ROBO2: variants seen among roughly 807,000 people sequenced by gnomAD.
ROBO2 encodes roundabout guidance receptor 2.
In ROBO2, 53 loss-of-function variants were observed where a neutral mutation model predicts 160.8. That is an observed-to-expected ratio of 0.33 (90% confidence interval 0.26 to 0.41). The LOEUF (loss-of-function observed/expected upper bound fraction) is 0.41. ROBO2 is among the 10% of genes least tolerant of loss of function. The pLI, the probability that ROBO2 is intolerant of heterozygous loss-of-function variation, is 1.00. For missense variants in ROBO2, 1,577 were observed against 1,722.4 expected (o/e 0.92, Z 1.49); for synonymous variants, 664 against 611.7 (o/e 1.09, Z -1.26).
Position 76,823,906 on chromosome 3 carries a change from A to G in ROBO2, c.110-274108A>G, listed in dbSNP as rs192917301. Among the ~76,000 whole-genome samples, 4 of 152,290 alleles carry G rather than the reference A, an allele frequency of 2.6e-5. No homozygotes were observed. In the East Asian group the frequency reaches 7.7e-4, roughly 29 times the overall value. ...CTGATTAGCAGTTGTTTTATGGTAA[A>G]ACTGAGCTGTTATAATAAAAACACA... On this transcript the variant is annotated intron_variant, in intron 2 of 26. Coordinates refer to the ROBO2 transcript ENST00000487694.
At chr3:77,415,617 C>A (rs2153526954) in intron 2 of ROBO2, among the ~76,000 whole-genome samples, 1 of 152,138 alleles carries the variant, frequency 6.6e-6, no homozygotes, top group East Asian at 1.9e-4. Context: ...CAGTGGGCTG[C>A]ACTCAGCTTG....
intron 2 of ROBO2, among the ~76,000 whole-genome samples, chr3:76,160,317 G>T (rs1432404423): frequency 6.6e-6 from 1 of 152,172 alleles, no homozygotes; most frequent in African/African-American, 2.4e-5. Flanking sequence ...CTATCTGCAG[G>T]TGATCCATCT....
intron 6 of ROBO2, among the ~76,000 whole-genome samples, chr3:77,528,347 A>G (rs2091357898): frequency 6.6e-6 from 1 of 151,622 alleles, no homozygotes. Flanking sequence ...TAAATTGTCC[A>G]TCTAGCTTCA....
At chr3:76,941,163 AT>A (rs59004799) in intron 2 of ROBO2, among the ~76,000 whole-genome samples, 5 of 151,756 alleles carry the variant, frequency 3.3e-5, no homozygotes, top group East Asian at 3.9e-4. Flanking sequence ...AAATGATTGC[AT>A]TTTTTTTGAT....
At chr3:76,097,919 C>T (rs1202325004) in intron 2 of ROBO2, among the ~76,000 whole-genome samples, 2 of 152,098 alleles carry the variant, frequency 1.3e-5, no homozygotes, top group African/African-American at 4.8e-5. Flanking sequence ...AAAATCAAAA[C>T]AACGATTAAT....
intron 2 of ROBO2, among the ~76,000 whole-genome samples, chr3:76,066,392 A>G (rs1308236406): frequency 6.6e-6 from 1 of 152,128 alleles, no homozygotes; most frequent in Non-Finnish European, 1.5e-5. Context: ...TTTGCTAATT[A>G]ATATTTTATA....
intron 2 of ROBO2, among the ~76,000 whole-genome samples, chr3:76,884,684 A>G (rs1290712502): frequency 1.3e-5 from 2 of 152,234 alleles, no homozygotes; most frequent in East Asian, 3.9e-4. Context: ...AGCTGTTTCA[A>G]TATTTTATGT....
chr3:75,920,257 T>G (rs1392986815), intron 1 of ROBO2, among the ~76,000 whole-genome samples: 1 of 152,180 alleles, frequency 6.6e-6, no homozygotes, highest in Admixed American at 6.5e-5. Flanking sequence ...TCAAAGAACT[T>G]ATTTATTTCT....
chr3:76,548,200 G>A (rs1341615380), intron 2 of ROBO2, among the ~76,000 whole-genome samples: 1 of 152,136 alleles, frequency 6.6e-6, no homozygotes, highest in Non-Finnish European at 1.5e-5. Flanking sequence ...TGGTTAAAAG[G>A]AGAGTGCTTA....
At chr3:77,193,709 G>C (rs1220862882) in intron 2 of ROBO2, among the ~76,000 whole-genome samples, 1 of 151,890 alleles carries the variant, frequency 6.6e-6, no homozygotes, top group African/African-American at 2.4e-5. Context: ...TCATCCCTCT[G>C]GTTTAAGAAT....
intron 2 of ROBO2, among the ~76,000 whole-genome samples, chr3:77,112,750 C>T (rs994110860): frequency 7.2e-5 from 11 of 152,160 alleles, no homozygotes; most frequent in Non-Finnish European, 1.5e-5. Flanking sequence ...AGCTTTTCCT[C>T]GGTGTGCCAT....
chr3:75,916,364 CG>C (rs1183577526), intron 1 of ROBO2, among the ~76,000 whole-genome samples: 1 of 151,970 alleles, frequency 6.6e-6, no homozygotes, highest in African/African-American at 2.4e-5. Context: ...TTTATTATTT[CG>C]GGGGGATCAC....
chr3:77,271,009 T>C (rs1174358752), intron 2 of ROBO2, among the ~76,000 whole-genome samples: 1 of 152,096 alleles, frequency 6.6e-6, no homozygotes, highest in East Asian at 1.9e-4. Flanking sequence ...ATGTATATGA[T>C]TTTATGAGAA....
intron 2 of ROBO2, among the ~76,000 whole-genome samples, chr3:76,588,469 ATATT>A (rs538248373): frequency 7.9e-4 from 121 of 152,330 alleles, no homozygotes; most frequent in African/African-American, 2.1e-3. Context: ...AGCTGATTAT[ATATT>A]TATTTTAAAA....
chr3:77,159,201 G>A (rs1323986751), intron 2 of ROBO2, among the ~76,000 whole-genome samples: 1 of 152,114 alleles, frequency 6.6e-6, no homozygotes, highest in Non-Finnish European at 1.5e-5. Context: ...GTCCTGTAAT[G>A]TCTGCAGCTA....
chr3:76,072,257 G>A lies in ROBO2; in HGVS notation c.109+134655G>A, dbSNP rs183676878. On this transcript the variant is annotated intron_variant, in intron 2 of 26. Coordinates refer to the ROBO2 transcript ENST00000487694. ...CCCCCGCAAAAAAAAATCTTTGTTGGTTTTTTTTTCCTTGAGGCATATCAA... is the reference window on the plus strand; with the variant it reads ...CCCCCGCAAAAAAAAATCTTTGTTGATTTTTTTTTCCTTGAGGCATATCAA... Among the ~76,000 whole-genome samples the A allele has an allele frequency of 6.0e-5, 9 of 151,106 alleles. No individual in the cohort carries two copies. The East Asian group carries it at 1.7e-3, about 29-fold the overall frequency.
At chr3:77,584,286 G>A (rs1472435330) in intron 16 of ROBO2, among the ~76,000 whole-genome samples, 1 of 152,068 alleles carries the variant, frequency 6.6e-6, no homozygotes, top group Non-Finnish European at 1.5e-5. Context: ...TGCTCCCTAA[G>A]GGAAAGAAAG....
chr3:76,072,111 C>A (rs76991430), intron 2 of ROBO2, among the ~76,000 whole-genome samples: 12,401 of 152,172 alleles, frequency 0.081, 657 homozygotes, highest in Middle Eastern at 0.12. Flanking sequence ...ATACTGTGTT[C>A]TAGCATTCTA....
Position 77,226,896 on chromosome 3 carries a change from A to C in ROBO2, c.388+128556A>C, listed in dbSNP as rs1325665530. On this transcript the variant is annotated intron_variant, in intron 2 of 25. Coordinates refer to ENST00000461745, the Ensembl canonical transcript of ROBO2. Reference sequence around the variant, plus strand: ...ACTGAATATGTATTACTTTTGCACCATTGTGAAGTCAAAAAATCATAAGTC... The same window carrying C: ...ACTGAATATGTATTACTTTTGCACCCTTGTGAAGTCAAAAAATCATAAGTC... 3.3e-5 allele frequency among the ~76,000 whole-genome samples: 5 copies of C among 152,330 alleles called. No individual in the cohort carries two copies. The South Asian group carries it at 1.0e-3, about 32-fold the overall frequency.
Sources: allele counts gnomAD v4.1 joint callset (sites outside exome capture counted in the v4.1 genomes callset), GRCh38; gene constraint gnomAD v4.1.1; transcripts MANE v1.5; gene names NCBI Gene and HGNC (gene_info 2026-07-23, HGNC 2026-07-21).